The following TENM2 variants were observed in gnomAD, a reference collection of about 807,000 sequenced individuals.
TENM2 encodes the protein teneurin-2.
In TENM2, 52 loss-of-function variants were observed where a neutral mutation model predicts 245.2. That is an observed-to-expected ratio of 0.21 (90% CI 0.17 to 0.27). The LOEUF (loss-of-function observed/expected upper bound fraction) is 0.27. Among genes scored for constraint, TENM2 ranks in the 10% least tolerant of loss-of-function variants. The probability of loss-of-function intolerance (pLI) is 1.00; values close to 1 mark genes in which losing one functional copy is unlikely to be tolerated. For missense variants in TENM2, 3,046 were observed against 3,666.8 expected, an observed-to-expected ratio of 0.83 and a Z score of 4.37; for synonymous variants, 1,363 against 1,438.9, an observed-to-expected ratio of 0.95 and a Z score of 1.19.
intron 3 of TENM2, among the ~76,000 whole-genome samples, chr5:167,949,853 T>A (rs563746198): frequency 4.7e-4 from 72 of 152,304 alleles, no homozygotes; most frequent in African/African-American, 1.7e-3. Flanking sequence ...CTCCTGCACC[T>A]CGTTGGGAAA....
At chr5:167,749,943 A>C (rs934364676) in intron 2 of TENM2, among the ~76,000 whole-genome samples, 1 of 152,144 alleles carries the variant, frequency 6.6e-6, no homozygotes, top group Non-Finnish European at 1.5e-5. Context: ...CTCTGGCTAC[A>C]TTGCCTATTC....
At chr5:167,827,003 C>T (rs1032867084) in intron 2 of TENM2, among the ~76,000 whole-genome samples, 3 of 152,238 alleles carry the variant, frequency 2.0e-5, no homozygotes, top group Non-Finnish European at 4.4e-5. Flanking sequence ...AGCCAGATTG[C>T]ACCTTGCCCC....
the TENM2 span, among the ~76,000 whole-genome samples, chr5:167,126,113 A>G: frequency 0.018 from 2,771 of 152,276 alleles, 90 homozygotes; most frequent in African/African-American, 0.063. Flanking sequence ...GTTTGAAGCA[A>G]CCCTCAAAAT....
At chr5:167,482,816 ACAGTGCTTACT>A in intron 2 of TENM2, among the ~76,000 whole-genome samples, 1 of 152,220 alleles carries the variant, frequency 6.6e-6, no homozygotes, top group Non-Finnish European at 1.5e-5. Flanking sequence ...TAATTGACAT[ACAGTGCTTACT>A]CAGTGTCTGA....
At chr5:167,327,467 A>G (rs1162879750) in intron 1 of TENM2, among the ~76,000 whole-genome samples, 1 of 152,232 alleles carries the variant, frequency 6.6e-6, no homozygotes, top group East Asian at 1.9e-4. Context: ...ATTGGAATAA[A>G]TGCAAAAAGC....
At chr5:167,392,298 T>C (rs1462363876) in intron 2 of TENM2, among the ~76,000 whole-genome samples, 3 of 152,186 alleles carry the variant, frequency 2.0e-5, no homozygotes, top group Non-Finnish European at 4.4e-5. Context: ...CCGTAGGATG[T>C]CCACGTAGCT....
chr5:167,048,888 A>G, the TENM2 span, among the ~76,000 whole-genome samples: 1 of 152,164 alleles, frequency 6.6e-6, no homozygotes, highest in Non-Finnish European at 1.5e-5. Flanking sequence ...AGATACTTTG[A>G]TTTGTTTTCC....
intron 9 of TENM2, among the ~76,000 whole-genome samples, chr5:168,102,416 A>T (rs1414077379): frequency 6.6e-6 from 1 of 152,224 alleles, no homozygotes; most frequent in Non-Finnish European, 1.5e-5. Context: ...CAGAAAATTG[A>T]AAAAGGAAAA....
In TENM2 at chr5:168,005,362, G is replaced by C. The variant is rs532142338; in HGVS notation, c.1186+12180G>C. Reference sequence around the variant, plus strand: ...GTCAAAACATGAAAAAAAATACAGAGATCACACGAAAGCCAAGTCTGAACT... The same window carrying C: ...GTCAAAACATGAAAAAAAATACAGACATCACACGAAAGCCAAGTCTGAACT... On this transcript the variant is annotated intron_variant, in intron 5 of 28. Coordinates refer to ENST00000518659, the Ensembl canonical transcript of TENM2. Among the ~76,000 whole-genome samples, 3 of 152,292 alleles carry C rather than the reference G, an allele frequency of 2.0e-5. No individual in the cohort carries two copies. In the East Asian group the frequency reaches 5.8e-4, roughly 29 times the overall value.
chr5:167,567,977 C>CAAA (rs70976435), intron 2 of TENM2, among the ~76,000 whole-genome samples: 1,785 of 141,882 alleles, frequency 0.013, 31 homozygotes, highest in South Asian at 0.044. Flanking sequence ...ATATATTGTA[C>CAAA]AAAAAAAAAA....
At chr5:167,223,835 A>C in the TENM2 span, among the ~76,000 whole-genome samples, 2 of 152,062 alleles carry the variant, frequency 1.3e-5, no homozygotes, top group African/African-American at 4.8e-5. Flanking sequence ...TTTCCCCACA[A>C]ACTTGCCAAC....
the TENM2 span, among the ~76,000 whole-genome samples, chr5:167,147,889 G>A: frequency 1.8e-4 from 28 of 152,200 alleles, no homozygotes; most frequent in East Asian, 4.3e-3. Context: ...GTATAGCCAA[G>A]CCTCCTTATT....
At chr5:167,322,113 T>G (rs927104264) in intron 1 of TENM2, among the ~76,000 whole-genome samples, 8 of 152,176 alleles carry the variant, frequency 5.3e-5, no homozygotes, top group Non-Finnish European at 1.2e-4. Context: ...ATGATAGGCT[T>G]GAGCCACCGC....
intron 13 of TENM2, among the ~76,000 whole-genome samples, chr5:168,169,092 A>C (rs1410830711): frequency 6.6e-6 from 1 of 152,190 alleles, no homozygotes; most frequent in African/African-American, 2.4e-5. Context: ...ATTAGACGGC[A>C]ATAGTTCAGT....
chr5:168,190,045 A>C (rs539794692), intron 13 of TENM2, among the ~76,000 whole-genome samples: 11 of 152,246 alleles, frequency 7.2e-5, no homozygotes, highest in African/African-American at 2.7e-4. Flanking sequence ...ATACGTGTTC[A>C]TAGTAGAAAA....
At chr5:167,668,887 G>C (rs1755750297) in intron 2 of TENM2, among the ~76,000 whole-genome samples, 1 of 151,998 alleles carries the variant, frequency 6.6e-6, no homozygotes, top group Non-Finnish European at 1.5e-5. Context: ...CCAGGAGGCA[G>C]AGGTTGCAGT....
intron 2 of TENM2, among the ~76,000 whole-genome samples, chr5:167,822,188 C>T (rs928619189): frequency 6.6e-6 from 1 of 151,666 alleles, no homozygotes; most frequent in African/African-American, 2.4e-5. Flanking sequence ...AATGTAACAC[C>T]CACGCCCTCT....
chr5:167,962,612 T>C (rs527783188), intron 4 of TENM2, among the ~76,000 whole-genome samples: 1 of 152,198 alleles, frequency 6.6e-6, no homozygotes, highest in African/African-American at 2.4e-5. Flanking sequence ...ACAGATTTAA[T>C]TGACTGACAG....
At chr5:168,203,786 C>T (rs183485957) in exon 18 of TENM2, 19 of 1,613,448 alleles carry the variant, frequency 1.2e-5, no homozygotes, top group Middle Eastern at 1.7e-4. Flanking sequence ...CCTCCAACCT[C>T]GGTGGCTGGT....
Sources: allele counts gnomAD v4.1 joint callset (sites outside exome capture counted in the v4.1 genomes callset), GRCh38; gene constraint gnomAD v4.1.1; transcripts MANE v1.5; gene names NCBI Gene and HGNC (gene_info 2026-07-23, HGNC 2026-07-21).